OSTN: variants seen among roughly 807,000 people sequenced by gnomAD.
OSTN encodes the protein osteocrin.
In OSTN, 9 loss-of-function variants were observed where a neutral mutation model predicts 12.0. The ratio of observed to expected loss-of-function variants is 0.75; its 90% confidence interval spans 0.45 to 1.30. The LOEUF (loss-of-function observed/expected upper bound fraction) is 1.30. Ranked by LOEUF, OSTN falls within the 50% of genes most tolerant of loss-of-function variation. The probability of loss-of-function intolerance (pLI) is 0.00; values close to 1 mark genes in which losing one functional copy is unlikely to be tolerated. For synonymous variants in OSTN, 59 were observed against 56.9 expected (o/e 1.04, Z -0.16); for missense variants, 148 against 152.3 (o/e 0.97, Z 0.15).
Position 191,257,185 on chromosome 3 carries a change from C to CAAA in OSTN, c.*13-5659_*13-5657dup, listed in dbSNP as rs71175391. Among the ~76,000 whole-genome samples, 172 of 72,076 alleles carry CAAA rather than the reference C, an allele frequency of 2.4e-3. 1 individual carries two copies. The highest frequency in any genetic ancestry group is 3.3e-3 in the Admixed American group (16 of 4,798). The allele number at this position is 72,076 out of a possible 152,430, so 47.3% of individuals were successfully genotyped here. The stretch of plus-strand genomic sequence containing the variant: ...TGGGTGACAGAGCAAAACCCTCTCT[C>CAAA]AAAAAAAAAAAAAAAAAAAAAAAAG... On this transcript the variant is annotated intron_variant, in intron 4 of 4. Coordinates refer to ENST00000682035, the MANE Select transcript of OSTN (RefSeq NM_198184.2).
chr3:191,225,152 A>T (rs1714876967), intron 3 of OSTN, among the ~76,000 whole-genome samples: 1 of 152,174 alleles, frequency 6.6e-6, no homozygotes, highest in Non-Finnish European at 1.5e-5. Flanking sequence ...AGTCATTACA[A>T]AAGAAGAACT....
intron 3 of OSTN, among the ~76,000 whole-genome samples, chr3:191,242,692 C>CA (rs1715348054): frequency 1.3e-5 from 2 of 151,954 alleles, no homozygotes; most frequent in African/African-American, 2.4e-5. Context: ...CTGTGCCTTG[C>CA]AAAAATTAAT....
intron 4 of OSTN, 35 bp downstream of exon 4, chr3:191,250,168 G>C: frequency 2.1e-6 from 3 of 1,437,488 alleles, no homozygotes; most frequent in Non-Finnish European, 2.0e-6. Context: ...AGTATATGCA[G>C]GTATTTGATT....
chr3:191,201,594 A>G (rs1254733121), intron 1 of OSTN, among the ~76,000 whole-genome samples: 2 of 152,116 alleles, frequency 1.3e-5, no homozygotes, highest in Non-Finnish European at 2.9e-5. Flanking sequence ...CATTTTTTAT[A>G]GTTGGAAGCA....
At chr3:191,230,100 A>ATAAATAAATAAATAAATAAC (rs1306081001) in intron 3 of OSTN, among the ~76,000 whole-genome samples, 4 of 150,528 alleles carry the variant, frequency 2.7e-5, no homozygotes, top group African/African-American at 9.9e-5. Context: ...AAATAAATAA[A>ATAAATAAATAAATAAATAAC]TAACTTAGGA....
chr3:191,231,431 C>A (rs971685536), intron 3 of OSTN, among the ~76,000 whole-genome samples: 6 of 151,708 alleles, frequency 4.0e-5, no homozygotes, highest in African/African-American at 4.8e-5. Flanking sequence ...GTATAGCTTG[C>A]AATTTTGCAA....
chr3:191,238,680 G>A (rs1048981210), intron 3 of OSTN, among the ~76,000 whole-genome samples: 6 of 152,006 alleles, frequency 3.9e-5, no homozygotes, highest in Non-Finnish European at 8.8e-5. Flanking sequence ...AGAGTGTGCC[G>A]CCCTTTTAAA....
intron 1 of OSTN, among the ~76,000 whole-genome samples, chr3:191,201,658 G>A (rs1560110931): frequency 6.6e-6 from 1 of 152,008 alleles, no homozygotes; most frequent in Non-Finnish European, 1.5e-5. Context: ...AAATGTTAGA[G>A]TGATTTCTAT....
At chr3:191,251,203 C>T (rs1057411597) in intron 4 of OSTN, among the ~76,000 whole-genome samples, 1 of 152,092 alleles carries the variant, frequency 6.6e-6, no homozygotes, top group Non-Finnish European at 1.5e-5. Context: ...TACAGTGCCA[C>T]ATAGAGTATA....
intron 3 of OSTN, among the ~76,000 whole-genome samples, chr3:191,225,079 C>A (rs991175015): frequency 4.6e-5 from 7 of 151,772 alleles, no homozygotes; most frequent in Non-Finnish European, 8.8e-5. Flanking sequence ...AAAGACAAGC[C>A]AGGCTTACTT....
In OSTN at chr3:191,263,106, T is replaced by G. The variant is rs1254102840; in HGVS notation, c.*253T>G. On this transcript the variant is annotated 3_prime_UTR_variant, in exon 5 of 5. Coordinates refer to ENST00000682035, the MANE Select transcript of OSTN (RefSeq NM_198184.2). Reference sequence around the variant, plus strand: ...TTATTCAAGAATGGTTAACTTCCCCTTAAACCTTACTTTTAAAAATAATAA... The same window carrying G: ...TTATTCAAGAATGGTTAACTTCCCCGTAAACCTTACTTTTAAAAATAATAA... 2.2e-6 allele frequency: 1 copy of G among 455,648 alleles called. No individual in the cohort carries two copies. 28.2% of individuals were successfully genotyped at this position (455,648 alleles called of 1,614,324 possible).
rs1715845861 is a variant in OSTN at position 191,262,985 on chromosome 3, T to G, written c.*132T>G. 3.0e-6 allele frequency: 2 copies of G among 665,570 alleles called. No homozygotes were observed. Among genetic ancestry groups the G allele is most frequent in the Non-Finnish European group, 5.5e-6 (2 of 361,794 alleles). 41.2% of individuals were successfully genotyped at this position (665,570 alleles called of 1,614,324 possible). A position where few individuals can be genotyped will look rare whatever the true frequency, so the allele number is the denominator to read the frequency against. Reference sequence around the variant, plus strand: ...CCTTCTGCAAATCCTTTCCAAAGCTTGAACTTCAGTCCATCACATTACAGC... The same window carrying G: ...CCTTCTGCAAATCCTTTCCAAAGCTGGAACTTCAGTCCATCACATTACAGC... On this transcript the variant is annotated 3_prime_UTR_variant, in exon 5 of 5. Coordinates refer to ENST00000682035, the MANE Select transcript of OSTN (RefSeq NM_198184.2).
At chr3:191,204,199 A>AT (rs539116117) in intron 1 of OSTN, among the ~76,000 whole-genome samples, 2 of 151,866 alleles carry the variant, frequency 1.3e-5, no homozygotes, top group Admixed American at 6.6e-5. Context: ...TGATATTTTA[A>AT]TTTTTTTTTA....
chr3:191,237,617 G>T (rs1014751542), intron 3 of OSTN, among the ~76,000 whole-genome samples: 2 of 152,138 alleles, frequency 1.3e-5, no homozygotes, highest in African/African-American at 4.8e-5. Context: ...CCCCTAGAAG[G>T]TCATGTACCA....
chr3:191,208,660 G>A (rs1714342660), intron 1 of OSTN, among the ~76,000 whole-genome samples: 1 of 152,048 alleles, frequency 6.6e-6, no homozygotes, highest in Non-Finnish European at 1.5e-5. Flanking sequence ...TCATCATCCT[G>A]TACCATTTAT....
intron 3 of OSTN, among the ~76,000 whole-genome samples, chr3:191,228,135 C>T (rs1714960424): frequency 6.6e-6 from 1 of 152,120 alleles, no homozygotes; most frequent in Non-Finnish European, 1.5e-5. Flanking sequence ...GATTGTCATA[C>T]TTTAGCTAAT....
At chr3:191,223,248 C>A (rs13099180) in intron 3 of OSTN, among the ~76,000 whole-genome samples, 2 of 152,008 alleles carry the variant, frequency 1.3e-5, no homozygotes, top group Non-Finnish European at 1.5e-5. Context: ...CAGATTTTCA[C>A]GTATGAAAGC....
At chr3:191,209,847 T>G (rs1288394819) in intron 1 of OSTN, among the ~76,000 whole-genome samples, 4 of 152,186 alleles carry the variant, frequency 2.6e-5, no homozygotes, top group Non-Finnish European at 5.9e-5. Flanking sequence ...TTTGAAATAC[T>G]CTTTGAAGAC....
chr3:191,212,371 T>C (rs1233702311), intron 1 of OSTN, among the ~76,000 whole-genome samples, 162 bp from the exon 2 acceptor site: 1 of 152,232 alleles, frequency 6.6e-6, no homozygotes, highest in Non-Finnish European at 1.5e-5. Context: ...GATGGACAGC[T>C]TCTATTAAGT....
Sources: allele counts gnomAD v4.1 joint callset (sites outside exome capture counted in the v4.1 genomes callset), GRCh38; gene constraint gnomAD v4.1.1; transcripts MANE v1.5; gene names NCBI Gene and HGNC (gene_info 2026-07-23, HGNC 2026-07-21).